UQCRB: variants seen among roughly 807,000 people sequenced by gnomAD.
UQCRB encodes the protein ubiquinol-cytochrome c reductase binding protein.
In UQCRB, 12 loss-of-function variants were observed where a neutral mutation model predicts 19.8. That is an observed-to-expected ratio of 0.61 (90% CI 0.39 to 0.98). The LOEUF is 0.98. Among genes scored for constraint, UQCRB ranks in the 50% least tolerant of loss-of-function variants. The pLI, the probability that UQCRB is intolerant of heterozygous loss-of-function variation, is 0.00. For missense variants in UQCRB, 142 were observed against 131.8 expected (o/e 1.08, Z -0.38); for synonymous variants, 39 against 42.9 (o/e 0.91, Z 0.35).
Position 96,226,825 on chromosome 8 carries a change from A to G in UQCRB, c.*4230T>C. On this transcript the variant is annotated 3_prime_UTR_variant, in exon 4 of 4. Coordinates refer to ENST00000287022, the MANE Select transcript of UQCRB (RefSeq NM_006294.5). ...AATCAGAATCCAGAATGACAATTTA[A>G]ATAGTTTATCATAAGCCTCTGGAAT... The G allele has an allele frequency of 2.3e-6, 1 of 443,554 alleles. No individual in the cohort carries two copies. The highest frequency in any genetic ancestry group is 4.5e-6 in the Non-Finnish European group (1 of 223,422). The allele number at this position is 443,554 out of a possible 1,614,324, so 27.5% of individuals were successfully genotyped here.
intron 3 of UQCRB, 117 bp from the exon 4 acceptor site, chr8:96,231,249 A>T: frequency 6.3e-7 from 1 of 1,597,154 alleles, no homozygotes; most frequent in African/African-American, 1.3e-5. Context: ...ATTTTAGAAA[A>T]CATATTCTCA....
At chr8:96,233,374 A>C in intron 1 of UQCRB, 147 bp from the exon 2 acceptor site, 1 of 649,480 alleles carries the variant, frequency 1.5e-6, no homozygotes, top group Non-Finnish European at 2.6e-6. Context: ...ATATACAGCA[A>C]GAATTTAATC....
At position 96,229,900 on chromosome 8, in the gene UQCRB, T is replaced by C. The variant is rs768831189; in HGVS notation, c.*1155A>G. 41 of 436,538 alleles carry C rather than the reference T, an allele frequency of 9.4e-5. No individual in the cohort carries two copies. The highest frequency in any genetic ancestry group is 6.3e-4 in the South Asian group (40 of 63,874). The allele number at this position is 436,538 out of a possible 1,614,324, so 27.0% of individuals were successfully genotyped here. ...CTTTAAATGTAACACAAATTCGTTTTTCACACTGTTTTGTTATTTGAGGTA... is the reference window on the plus strand; with the variant it reads ...CTTTAAATGTAACACAAATTCGTTTCTCACACTGTTTTGTTATTTGAGGTA... On this transcript the variant is annotated 3_prime_UTR_variant, in exon 4 of 4. Transcript: ENST00000287022.
intron 2 of UQCRB, chr8:96,232,954 C>T: frequency 1.8e-6 from 1 of 570,538 alleles, no homozygotes; most frequent in Non-Finnish European, 3.1e-6. Flanking sequence ...GGCTTTCATC[C>T]CTCTTCTCTC....
chr8:96,233,645 A>G (rs1020188738), intron 1 of UQCRB: 1 of 162,910 alleles, frequency 6.1e-6, no homozygotes, highest in Non-Finnish European at 1.3e-5. Context: ...TCATAAATAG[A>G]TCACAGGAAA....
At chr8:96,234,556 A>G (rs1407243316) in intron 1 of UQCRB, 15 of 1,266,230 alleles carry the variant, frequency 1.2e-5, no homozygotes, top group Non-Finnish European at 1.5e-5. Context: ...TAATAAAATA[A>G]TTATTTAAAA....
rs1809644417 is a variant in UQCRB, at chr8:96,230,603, G to A, written c.*452C>T. The A allele has an allele frequency of 2.2e-6, 1 of 455,062 alleles. No individual in the cohort carries two copies. The highest frequency in any genetic ancestry group is 2.0e-5 in the African/African-American group (1 of 50,024). The allele number at this position is 455,062 out of a possible 1,614,324, so 28.2% of individuals were successfully genotyped here. A position where few individuals can be genotyped will look rare whatever the true frequency, so the allele number is the denominator to read the frequency against. ...TATATTACTTAAGTATGCCTATGTT[G>A]GGGTGCAGACATAATTTCTTTTTAA... On this transcript the variant is annotated 3_prime_UTR_variant, in exon 4 of 4. Coordinates refer to ENST00000287022, the MANE Select transcript of UQCRB (RefSeq NM_006294.5).
In UQCRB at chr8:96,228,156, A is replaced by AAAAC. The variant is rs746330700; in HGVS notation, c.*2895_*2898dup. 2.2e-6 allele frequency: 1 copy of AAAAC among 454,156 alleles called. No individual in the cohort carries two copies. The highest frequency in any genetic ancestry group is 4.4e-6 in the Non-Finnish European group (1 of 226,798). The allele number at this position is 454,156 out of a possible 1,614,324, so 28.1% of individuals were successfully genotyped here. On this transcript the variant is annotated 3_prime_UTR_variant, in exon 4 of 4. Transcript: ENST00000287022. ...CATCTGTTTTTTTGCAAAGTATAGT[A>AAAAC]AAACAAACAAACAGAACATAGACCA... is the stretch of plus-strand genomic sequence containing the variant.
At chr8:96,235,096 G>A (rs1298181965) in intron 1 of UQCRB, 5 of 288,306 alleles carry the variant, frequency 1.7e-5, no homozygotes, top group African/African-American at 1.1e-4. Flanking sequence ...CTCCCTCGTC[G>A]CAATGGCAAG....
Position 96,229,294 on chromosome 8 carries a change from T to C in UQCRB, c.*1761A>G, listed in dbSNP as rs1334496290. ...CCTGTTATACCTCAGTCTTGGTCAG[T>C]TCTATTTGTTCCCCTGTCCTTCAGC... On this transcript the variant is annotated 3_prime_UTR_variant, in exon 4 of 4. Coordinates refer to ENST00000287022, the MANE Select transcript of UQCRB (RefSeq NM_006294.5). 2.2e-6 allele frequency: 1 copy of C among 453,982 alleles called. No individual in the cohort carries two copies. The highest frequency in any genetic ancestry group is 4.4e-6 in the Non-Finnish European group (1 of 226,792). The allele number at this position is 453,982 out of a possible 1,614,324, so 28.1% of individuals were successfully genotyped here. A position where few individuals can be genotyped will look rare whatever the true frequency, so the allele number is the denominator to read the frequency against.
At position 96,231,721 on chromosome 8, in the gene UQCRB, C is replaced by T. The variant is rs1429590500; in HGVS notation, c.258+53G>A. The stretch of plus-strand genomic sequence containing the variant: ...GCAAATGAACATGTTTCTCTTGTTT[C>T]TAAAACTCCATCCTTAATGAGCAAC... On this transcript the variant is annotated intron_variant, in intron 3 of 3. Transcript: ENST00000287022. 1.9e-6 allele frequency: 3 copies of T among 1,610,114 alleles called. No individual in the cohort carries two copies. The African/African-American group carries it at 4.0e-5, about 22-fold the overall frequency.
In UQCRB at chr8:96,229,504, C is replaced by T; in HGVS notation, c.*1551G>A. On this transcript the variant is annotated 3_prime_UTR_variant, in exon 4 of 4. Transcript: ENST00000287022. ...TCTGAACGAATAGACCAGAGTCCTG[C>T]AAACGTGATCTTGAAATCACTATTA... The T allele has an allele frequency of 4.4e-6, 2 of 454,112 alleles. No individual in the cohort carries two copies. The highest frequency in any genetic ancestry group is 3.1e-5 in the South Asian group (2 of 64,482). The allele number at this position is 454,112 out of a possible 1,614,324, so 28.1% of individuals were successfully genotyped here.
rs750105381 is a variant in UQCRB at position 96,231,793 on chromosome 8, T to A, written c.239A>T (p.Gln80Leu). ...TGCTACCTCTTCATATTTGGTCCAC[T>A]GCTCTTTAGGCAAGATCTGATGCTT... The part of the protein sequence containing the change: ...NLKHQILPKE[Q>L]WTKYEEENFY... Residue 80 changes from glutamine to leucine, a missense_variant, in exon 3 of 4, where the codon CAG becomes CTG. This residue lies in a region of UQCRB where 132 missense variants were observed against 107.5 expected (regional missense o/e 1.23). Coordinates refer to ENST00000287022, the MANE Select transcript of UQCRB (RefSeq NM_006294.5). The A allele has an allele frequency of 1.9e-6, 3 of 1,614,224 alleles. No individual in the cohort carries two copies. Among genetic ancestry groups the A allele is most frequent in the Non-Finnish European group, 2.5e-6 (3 of 1,180,036 alleles).
rs967262898 is a variant in UQCRB at position 96,226,308 on chromosome 8, A to G, written c.*4747T>C. 5.2e-5 allele frequency: 8 copies of G among 154,358 alleles called. No homozygotes were observed. The highest frequency in any genetic ancestry group is 1.9e-4 in the African/African-American group (8 of 41,482). 9.6% of individuals were successfully genotyped at this position (154,358 alleles called of 1,614,324 possible). A position where few individuals can be genotyped will look rare whatever the true frequency, so the allele number is the denominator to read the frequency against. ...AAGAGACAACATACGAACAGTGCCT[A>G]GTACAAAGCTAGTATTCCATCAGTA... On this transcript the variant is annotated 3_prime_UTR_variant, in exon 4 of 4. Transcript: ENST00000287022.
chr8:96,225,228 G>T lies in UQCRB; in HGVS notation c.*5827C>A. ...ACTTGATAATAGCATATGGAAAAAC[G>T]TCTAGCTACTCAATCCAAGAAATGC... On this transcript the variant is annotated 3_prime_UTR_variant, in exon 4 of 4. Transcript: ENST00000287022. 6.6e-6 allele frequency among the ~76,000 whole-genome samples: 1 copy of T among 152,092 alleles called. No homozygotes were observed. The highest frequency in any genetic ancestry group is 1.9e-4 in the East Asian group (1 of 5,200).
rs181473412 is a variant in UQCRB, at chr8:96,230,687, T to C, written c.*368A>G. 3.0e-3 allele frequency: 1,393 copies of C among 470,990 alleles called. 14 individuals are homozygous for C. The highest frequency in any genetic ancestry group is 0.025 in the African/African-American group (1,256 of 50,898). 29.2% of individuals were successfully genotyped at this position (470,990 alleles called of 1,614,324 possible). On this transcript the variant is annotated 3_prime_UTR_variant, in exon 4 of 4. Transcript: ENST00000287022. ...CCAGTGAAGAGGCTATTTCTCAATC[T>C]TGGCAAACTAGGGGGTGCATACCCC... is the stretch of plus-strand genomic sequence containing the variant.
At chr8:96,235,334 C>T in intron 1 of UQCRB, 178 bp downstream of exon 1, 1 of 946,606 alleles carries the variant, frequency 1.1e-6, no homozygotes, top group Non-Finnish European at 1.7e-6. Flanking sequence ...CAGGCAAGCC[C>T]GCCCTGGGGA....
At position 96,227,526 on chromosome 8, in the gene UQCRB, A is replaced by G. The variant is rs1434002757; in HGVS notation, c.*3529T>C. 2 of 454,022 alleles carry G rather than the reference A, an allele frequency of 4.4e-6. No individual in the cohort carries two copies. Among genetic ancestry groups the G allele is most frequent in the African/African-American group, 4.0e-5 (2 of 50,022 alleles). 28.1% of individuals were successfully genotyped at this position (454,022 alleles called of 1,614,324 possible). ...ATCCCTCTCTGATACTGTCCCTCCTAAAATCCATGCTTCCTCCCATACACC... is the reference window on the plus strand; with the variant it reads ...ATCCCTCTCTGATACTGTCCCTCCTGAAATCCATGCTTCCTCCCATACACC... On this transcript the variant is annotated 3_prime_UTR_variant, in exon 4 of 4. Transcript: ENST00000287022.
rs1210329562 is a variant in UQCRB, at chr8:96,225,872, C to T, written c.*5183G>A. On this transcript the variant is annotated 3_prime_UTR_variant, in exon 4 of 4. Coordinates refer to ENST00000287022, the MANE Select transcript of UQCRB (RefSeq NM_006294.5). ...CTGATTACATACCTGTCTCTACCAT[C>T]TTGGTTTTTCTCTGTATTCCCTACA... 1 of 152,044 alleles carries T rather than the reference C, an allele frequency of 6.6e-6. No homozygotes were observed. Among genetic ancestry groups the T allele is most frequent in the Non-Finnish European group, 1.5e-5 (1 of 68,004 alleles). 9.4% of individuals were successfully genotyped at this position (152,044 alleles called of 1,614,324 possible).
Sources: allele counts gnomAD v4.1 joint callset (sites outside exome capture counted in the v4.1 genomes callset), GRCh38; gene constraint gnomAD v4.1.1; regional missense constraint gnomAD v4.1.1; transcripts MANE v1.5; gene names NCBI Gene and HGNC (gene_info 2026-07-23, HGNC 2026-07-21).